Variants in PCDHA3 observed in about 807,000 individuals in gnomAD.
The protein encoded by PCDHA3 is protocadherin alpha-3.
PCDHA3 carries 41 observed loss-of-function variants against 62.2 expected under a neutral mutation model. The observed-to-expected ratio is 0.66, with a 90% CI of 0.51 to 0.86. PCDHA3 has a LOEUF of 0.86. Among genes scored for constraint, PCDHA3 ranks in the 40% least tolerant of loss-of-function variants. PCDHA3 has a pLI of 0.00. For missense variants in PCDHA3, 1,304 were observed against 1,241.2 expected (o/e 1.05, Z -0.76); for synonymous variants, 640 against 555.4 (o/e 1.15, Z -2.14).
intron 1 of PCDHA3, chr5:140,823,149 G>A: frequency 1.2e-6 from 2 of 1,613,920 alleles, no homozygotes; most frequent in Non-Finnish European, 1.7e-6. Context: ...CGCAGCCCCA[G>A]TATACCGTGT....
intron 3 of PCDHA3, among the ~76,000 whole-genome samples, chr5:140,995,648 G>A (rs548703031): frequency 1.3e-5 from 2 of 152,248 alleles, no homozygotes; most frequent in South Asian, 2.1e-4. Flanking sequence ...TAGAAAAGGA[G>A]AATCGAAAAG....
intron 2 of PCDHA3, among the ~76,000 whole-genome samples, chr5:140,979,661 GTCTC>G (rs2096859733): frequency 6.6e-6 from 1 of 152,146 alleles, no homozygotes; most frequent in South Asian, 2.1e-4. Context: ...TCTCTACTTT[GTCTC>G]TCTGACAGTA....
intron 1 of PCDHA3, among the ~76,000 whole-genome samples, chr5:140,962,354 A>G (rs80298031): frequency 0.023 from 3,560 of 152,266 alleles, 46 homozygotes; most frequent in Middle Eastern, 0.034. Context: ...ACTCCCCCCA[A>G]TACTGGCTAG....
At position 140,835,754 on chromosome 5, in the gene PCDHA3, G is replaced by C. The variant is rs1562349342; in HGVS notation, c.2394+32163G>C. On this transcript the variant is annotated intron_variant, in intron 1 of 3. Coordinates refer to ENST00000522353, the MANE Select transcript of PCDHA3 (RefSeq NM_018906.3). ...ACGACAACGCCCCGGCGTTCGCGCA[G>C]CCCGAGTATACGGTGTTCGTGAAGG... 3.1e-6 allele frequency: 5 copies of C among 1,613,576 alleles called. No individual in the cohort carries two copies. In the Admixed American group the frequency reaches 8.3e-5, roughly 27 times the overall value.
chr5:140,838,631 G>T (rs1181187323), intron 1 of PCDHA3, among the ~76,000 whole-genome samples: 2 of 151,888 alleles, frequency 1.3e-5, no homozygotes, highest in Non-Finnish European at 2.9e-5. Context: ...CAAATAATTT[G>T]GTTGGTCAAA....
At chr5:140,916,550 A>G (rs1355799677) in intron 1 of PCDHA3, among the ~76,000 whole-genome samples, 5 of 152,052 alleles carry the variant, frequency 3.3e-5, no homozygotes, top group Admixed American at 1.3e-4. Flanking sequence ...TGGGTTTTCT[A>G]TTTGTCCAGG....
At chr5:140,900,058 C>G (rs1013599044) in intron 1 of PCDHA3, among the ~76,000 whole-genome samples, 1 of 152,160 alleles carries the variant, frequency 6.6e-6, no homozygotes, top group Non-Finnish European at 1.5e-5. Flanking sequence ...GATCCTTTAA[C>G]CTCAGCCTCC....
intron 1 of PCDHA3, chr5:140,871,353 G>T: frequency 6.2e-7 from 1 of 1,614,214 alleles, no homozygotes; most frequent in Non-Finnish European, 8.5e-7. Flanking sequence ...GGTCATACTC[G>T]CAGCAGAGGC....
chr5:140,823,547 C>T (rs1218932812), intron 1 of PCDHA3: 3 of 1,613,724 alleles, frequency 1.9e-6, no homozygotes, highest in Non-Finnish European at 2.5e-6. Context: ...CACGTGGTGG[C>T]GAAGGTGCGC....
chr5:140,893,954 T>C (rs115606551), intron 1 of PCDHA3, among the ~76,000 whole-genome samples: 1,862 of 152,344 alleles, frequency 0.012, 45 homozygotes, highest in African/African-American at 0.042. Flanking sequence ...CATGACTTTA[T>C]TAGTCATTAG....
chr5:140,809,094 C>A (rs782551783), intron 1 of PCDHA3: 2 of 1,613,968 alleles, frequency 1.2e-6, no homozygotes, highest in East Asian at 4.5e-5. Flanking sequence ...ACAACGCGTG[C>A]CCTGGACGAA....
intron 1 of PCDHA3, among the ~76,000 whole-genome samples, chr5:140,898,029 TG>T (rs1583292931): frequency 6.6e-6 from 1 of 152,188 alleles, no homozygotes; most frequent in East Asian, 1.9e-4. Context: ...CACTTTTTGA[TG>T]GGGTTGTTTG....
chr5:140,865,207 G>T (rs2048773206), intron 1 of PCDHA3: 1 of 152,092 alleles, frequency 6.6e-6, no homozygotes. Context: ...AATGTGAATT[G>T]CTTTCTTTAA....
chr5:140,809,549 A>C (rs1764495045), intron 1 of PCDHA3: 1 of 1,612,046 alleles, frequency 6.2e-7, no homozygotes, highest in Non-Finnish European at 8.5e-7. Context: ...TCAGCTGCAG[A>C]CAACTGAGGA....
At chr5:140,931,602 T>C (rs1192023680) in intron 1 of PCDHA3, among the ~76,000 whole-genome samples, 12 of 152,084 alleles carry the variant, frequency 7.9e-5, no homozygotes, top group Non-Finnish European at 1.2e-4. Flanking sequence ...TTTTCCATCA[T>C]TGTTGATATT....
intron 1 of PCDHA3, chr5:140,809,732 G>A (rs1434113979): frequency 1.3e-6 from 1 of 752,210 alleles, no homozygotes; most frequent in Non-Finnish European, 2.1e-6. Flanking sequence ...GGACATCAGA[G>A]CAATATATAT....
At chr5:140,885,910 T>C (rs55634134) in intron 1 of PCDHA3, among the ~76,000 whole-genome samples, 4,308 of 152,302 alleles carry the variant, frequency 0.028, 189 homozygotes, top group African/African-American at 0.098. Context: ...CTGTACCTTA[T>C]AGATATTAAC....
At position 140,982,572 on chromosome 5, in the gene PCDHA3, C is replaced by G. The variant is rs782271002; in HGVS notation, c.2542+9C>G. 1 of 1,613,760 alleles carries G rather than the reference C, an allele frequency of 6.2e-7. No homozygotes were observed. Among genetic ancestry groups the G allele is most frequent in the Non-Finnish European group, 8.5e-7 (1 of 1,179,726 alleles). On this transcript the variant is annotated intron_variant, in intron 3 of 3. Transcript: ENST00000522353. ...ATCCAGTGCAACACCAGGTAAAGAGCTGGGGTCTCTCCATTCTTTCTTGGT... is the reference window on the plus strand; with the variant it reads ...ATCCAGTGCAACACCAGGTAAAGAGGTGGGGTCTCTCCATTCTTTCTTGGT...
Position 140,821,873 on chromosome 5 carries a change from C to T in PCDHA3, c.2394+18282C>T, listed in dbSNP as rs144627570. On this transcript the variant is annotated intron_variant, in intron 1 of 3. Coordinates refer to ENST00000522353, the MANE Select transcript of PCDHA3 (RefSeq NM_018906.3). ...GCAGGGAGCGGCCAGCTCCACTACT[C>T]GATCCCGGAGGAAGCCAAACACGGA... is the stretch of plus-strand genomic sequence containing the variant. 1.3e-5 allele frequency: 21 copies of T among 1,614,092 alleles called. No individual in the cohort carries two copies. Among genetic ancestry groups the T allele is most frequent in the African/African-American group, 6.7e-5 (5 of 74,940 alleles).
Sources: allele counts gnomAD v4.1 joint callset (sites outside exome capture counted in the v4.1 genomes callset), GRCh38; gene constraint gnomAD v4.1.1; transcripts MANE v1.5; gene names NCBI Gene and HGNC (gene_info 2026-07-23, HGNC 2026-07-21).